The following FANCC variants were observed in gnomAD, a reference collection of about 807,000 sequenced individuals.
FANCC encodes the protein Fanconi anemia group C protein.
FANCC carries 55 observed loss-of-function variants against 71.3 expected under a neutral mutation model. That is an observed-to-expected ratio of 0.77 (90% CI 0.62 to 0.97). The LOEUF is 0.97. Among genes scored for constraint, FANCC ranks in the 50% least tolerant of loss-of-function variants. FANCC has a pLI of 0.00. For missense variants in FANCC, 678 were observed against 670.9 expected (o/e 1.01, Z -0.12); for synonymous variants, 275 against 244.9 (o/e 1.12, Z -1.15).
At chr9:95,159,726 T>C (rs906481067) in intron 6 of FANCC, among the ~76,000 whole-genome samples, 2 of 152,244 alleles carry the variant, frequency 1.3e-5, no homozygotes, top group Non-Finnish European at 2.9e-5. Context: ...ATCGCCATTC[T>C]AACTGGTGTG....
chr9:95,131,557 G>C (rs989109375), intron 8 of FANCC, among the ~76,000 whole-genome samples: 1 of 152,168 alleles, frequency 6.6e-6, no homozygotes, highest in African/African-American at 2.4e-5. Flanking sequence ...TCTGGAAAGT[G>C]CAACTCCAGT....
intron 1 of FANCC, among the ~76,000 whole-genome samples, chr9:95,265,445 C>T (rs1243173249): frequency 2.0e-5 from 3 of 152,202 alleles, no homozygotes; most frequent in South Asian, 2.1e-4. Context: ...CGCTTGCCAT[C>T]GAGGCTGCTA....
chr9:95,196,815 G>GGT (rs1827486120), intron 4 of FANCC, among the ~76,000 whole-genome samples: 1 of 152,260 alleles, frequency 6.6e-6, no homozygotes, highest in East Asian at 1.9e-4. Flanking sequence ...GGCAGACCAC[G>GGT]GACTCTAATT....
chr9:95,231,565 C>T (rs1830012286), intron 4 of FANCC, among the ~76,000 whole-genome samples: 1 of 152,176 alleles, frequency 6.6e-6, no homozygotes, highest in Non-Finnish European at 1.5e-5. Context: ...CAATAAAACC[C>T]AGTCTCACTC....
intron 4 of FANCC, among the ~76,000 whole-genome samples, chr9:95,238,535 CATG>C (rs1437845680): frequency 6.6e-6 from 1 of 151,958 alleles, no homozygotes; most frequent in Non-Finnish European, 1.5e-5. Flanking sequence ...ACACTGGCTA[CATG>C]ATATCTCTGG....
intron 1 of FANCC, chr9:95,293,665 A>C (rs1834195963): frequency 3.1e-6 from 5 of 1,614,136 alleles, no homozygotes; most frequent in Admixed American, 3.3e-5. Context: ...TCTTGTTCTC[A>C]AACTGATTTG....
intron 10 of FANCC, among the ~76,000 whole-genome samples, chr9:95,120,252 T>C (rs916489358): frequency 1.3e-5 from 2 of 152,176 alleles, no homozygotes; most frequent in African/African-American, 4.8e-5. Context: ...TATTCCAGCA[T>C]CATTTGTTGA....
chr9:95,296,722 G>A (rs550865556), intron 1 of FANCC, among the ~76,000 whole-genome samples: 8 of 152,200 alleles, frequency 5.3e-5, no homozygotes, highest in Non-Finnish European at 1.2e-4. Context: ...TTTACACCTA[G>A]AGTATACACC....
chr9:95,249,945 G>A (rs1316699316), intron 1 of FANCC, among the ~76,000 whole-genome samples: 1 of 152,062 alleles, frequency 6.6e-6, no homozygotes, highest in Non-Finnish European at 1.5e-5. Flanking sequence ...ACTAAAGATT[G>A]CTTTATATGC....
intron 3 of FANCC, among the ~76,000 whole-genome samples, chr9:95,244,081 G>A (rs1830792249): frequency 6.6e-6 from 1 of 152,234 alleles, no homozygotes. Context: ...GCTAAGGAAA[G>A]ATCACAGACA....
chr9:95,173,101 C>A (rs1357373157), intron 4 of FANCC, among the ~76,000 whole-genome samples: 1 of 152,082 alleles, frequency 6.6e-6, no homozygotes, highest in Non-Finnish European at 1.5e-5. Context: ...CCTCCATAAT[C>A]AAAAAGGGTA....
chr9:95,261,548 A>T (rs1832048624), intron 1 of FANCC, among the ~76,000 whole-genome samples: 2 of 152,358 alleles, frequency 1.3e-5, no homozygotes, highest in Admixed American at 6.5e-5. Context: ...AATTGGCATG[A>T]AAAATCAGAA....
chr9:95,121,788 G>A (rs2072898941), intron 10 of FANCC, among the ~76,000 whole-genome samples: 2 of 151,852 alleles, frequency 1.3e-5, no homozygotes, highest in African/African-American at 2.4e-5. Flanking sequence ...ACAAAACATT[G>A]TTTAGGCAGT....
At chr9:95,274,029 A>T (rs1832893135) in intron 1 of FANCC, among the ~76,000 whole-genome samples, 2 of 152,110 alleles carry the variant, frequency 1.3e-5, no homozygotes. Context: ...ACCATTTTTT[A>T]ATTTTTTTAT....
chr9:95,110,366 TA>T, intron 13 of FANCC: 1 of 1,022,058 alleles, frequency 9.8e-7, no homozygotes, highest in Non-Finnish European at 1.2e-6. Flanking sequence ...AAAAGGGCTT[TA>T]AAAACCATAT....
intron 1 of FANCC, among the ~76,000 whole-genome samples, chr9:95,304,325 CAA>C (rs1177167000): frequency 6.6e-6 from 1 of 152,080 alleles, no homozygotes; most frequent in Non-Finnish European, 1.5e-5. Context: ...AGGGCGACTG[CAA>C]AAAAGTTTTC....
chr9:95,269,823 C>A (rs900870019), intron 1 of FANCC, among the ~76,000 whole-genome samples: 21 of 151,858 alleles, frequency 1.4e-4, no homozygotes, highest in Admixed American at 5.9e-4. Flanking sequence ...TAAGGTGGGA[C>A]GAGAGATTTG....
chr9:95,115,771 C>G (rs1170428621), intron 11 of FANCC, among the ~76,000 whole-genome samples: 1 of 152,174 alleles, frequency 6.6e-6, no homozygotes, highest in Non-Finnish European at 1.5e-5. Flanking sequence ...TGGTGCACAG[C>G]CTTTTGAAGG....
chr9:95,240,323 G>A (rs1369946262), intron 4 of FANCC, among the ~76,000 whole-genome samples: 1 of 152,120 alleles, frequency 6.6e-6, no homozygotes, highest in Non-Finnish European at 1.5e-5. Context: ...AGGTTGATAG[G>A]GAAAAACAAT....
Sources: gnomAD v4.1 joint callset for allele counts (sites outside exome capture counted in the v4.1 genomes callset) on GRCh38, gnomAD v4.1.1 for gene constraint, MANE v1.5 for transcripts, NCBI Gene and HGNC (gene_info 2026-07-23, HGNC 2026-07-21) for gene names.